KAZN: variants seen among roughly 807,000 people sequenced by gnomAD.
The protein encoded by KAZN is kazrin, periplakin interacting protein.
KAZN carries 40 observed loss-of-function variants against 87.4 expected under a neutral mutation model. The observed-to-expected ratio is 0.46, with a 90% CI of 0.36 to 0.60. The LOEUF (loss-of-function observed/expected upper bound fraction) is 0.60. Ranked by LOEUF, KAZN falls within the 20% of genes least tolerant of loss-of-function variation. The pLI is 0.00. For missense variants in KAZN, 898 were observed against 1,073.9 expected (o/e 0.84, Z 2.29); for synonymous variants, 466 against 458.3 (o/e 1.02, Z -0.22).
chr1:14,873,213 C>A (rs1279037721), intron 1 of KAZN, among the ~76,000 whole-genome samples: 1 of 152,094 alleles, frequency 6.6e-6, no homozygotes, highest in Non-Finnish European at 1.5e-5. Flanking sequence ...CCTTCTGTCA[C>A]CTGCTATGCA....
intron 1 of KAZN, among the ~76,000 whole-genome samples, chr1:13,909,062 C>A (rs954548058): frequency 1.3e-5 from 2 of 152,150 alleles, no homozygotes; most frequent in Non-Finnish European, 2.9e-5. Flanking sequence ...TCGGTAGGTG[C>A]TTTCTTATCC....
chr1:14,915,717 C>T (rs993465774), intron 1 of KAZN, among the ~76,000 whole-genome samples: 1 of 152,210 alleles, frequency 6.6e-6, no homozygotes, highest in Non-Finnish European at 1.5e-5. Context: ...GACAGACTCC[C>T]AACGCTGCCT....
At chr1:14,388,377 C>T (rs916391862) in intron 2 of KAZN, among the ~76,000 whole-genome samples, 14 of 152,272 alleles carry the variant, frequency 9.2e-5, no homozygotes, top group African/African-American at 3.1e-4. Context: ...TATGGAACCA[C>T]AAAAGACCCT....
intron 2 of KAZN, among the ~76,000 whole-genome samples, chr1:14,232,909 G>A (rs1203172532): frequency 2.0e-5 from 3 of 152,066 alleles, no homozygotes; most frequent in Middle Eastern, 3.2e-3. Context: ...ACATTTTTTA[G>A]GGTAAAGAAC....
Position 14,773,600 on chromosome 1 carries a change from T to A in KAZN, c.226+174377T>A, listed in dbSNP as rs1645082572. 1.3e-5 allele frequency among the ~76,000 whole-genome samples: 2 copies of A among 151,918 alleles called. No individual in the cohort carries two copies. On this transcript the variant is annotated intron_variant, in intron 1 of 14. Transcript: ENST00000376030. This position sits in a 1 kb window ranked among gnomAD's most constrained non-coding sequence, Gnocchi z 5.9. ...GTTGACTTTCCAGAGCCATAGGGAG[T>A]TGGAAATGAGGTCAGGCACCCGCCA...
At chr1:14,836,247 G>A (rs1033947956) in intron 1 of KAZN, among the ~76,000 whole-genome samples, 1 of 152,124 alleles carries the variant, frequency 6.6e-6, no homozygotes, top group South Asian at 2.1e-4. Context: ...AAGCCAGGAG[G>A]GACATAAGCC....
At chr1:13,933,461 T>C (rs1160501969) in intron 1 of KAZN, among the ~76,000 whole-genome samples, 1 of 152,146 alleles carries the variant, frequency 6.6e-6, no homozygotes, top group African/African-American at 2.4e-5. Context: ...CATTGCACTC[T>C]AGCCTAGGCA....
intron 2 of KAZN, among the ~76,000 whole-genome samples, chr1:14,407,854 G>A (rs1372543529): frequency 6.6e-6 from 1 of 152,166 alleles, no homozygotes; most frequent in Non-Finnish European, 1.5e-5. Context: ...TACTTTCAGA[G>A]CTCCTGGAAA....
intron 1 of KAZN, among the ~76,000 whole-genome samples, chr1:14,618,987 C>T (rs1007461184): frequency 2.0e-5 from 3 of 151,994 alleles, no homozygotes; most frequent in African/African-American, 7.2e-5. Context: ...GATACAGACA[C>T]GGCAGGACGA....
At chr1:14,075,990 G>A (rs1465142730) in intron 1 of KAZN, among the ~76,000 whole-genome samples, 3 of 152,128 alleles carry the variant, frequency 2.0e-5, no homozygotes, top group South Asian at 2.1e-4. Flanking sequence ...TTATACGAAA[G>A]GGAAATGTAG....
Position 14,762,989 on chromosome 1 carries a change from A to T in KAZN, c.226+163766A>T, listed in dbSNP as rs116477644. Among the ~76,000 whole-genome samples, 258 of 152,356 alleles carry T rather than the reference A, an allele frequency of 1.7e-3. 1 individual carries two copies. The highest frequency in any genetic ancestry group is 5.9e-3 in the African/African-American group (246 of 41,590). On this transcript the variant is annotated intron_variant, in intron 1 of 14. Coordinates refer to ENST00000376030, the MANE Select transcript of KAZN (RefSeq NM_201628.3). ...TCCGGTGACATTTCTGTAATGCTTC[A>T]TTCAAATAAAGACATTCATAACTTG...
chr1:14,155,851 T>C (rs1186776603), intron 1 of KAZN, among the ~76,000 whole-genome samples: 2 of 152,168 alleles, frequency 1.3e-5, no homozygotes, highest in Non-Finnish European at 2.9e-5. Context: ...GGTTTCACCA[T>C]GTTGGCCAAG....
intron 1 of KAZN, among the ~76,000 whole-genome samples, chr1:14,690,571 G>T (rs1210657482): frequency 1.7e-5 from 2 of 118,260 alleles, no homozygotes; most frequent in African/African-American, 6.4e-5. Flanking sequence ...CCCATTTCCA[G>T]TTCTATTAAG....
At chr1:14,415,471 G>C (rs531935332) in intron 2 of KAZN, among the ~76,000 whole-genome samples, 79 of 152,228 alleles carry the variant, frequency 5.2e-4, no homozygotes, top group Admixed American at 9.2e-4. Context: ...GGGTGCTCCA[G>C]CTGATTTCCA....
intron 1 of KAZN, among the ~76,000 whole-genome samples, chr1:14,945,442 C>T (rs1484520152): frequency 1.3e-5 from 2 of 152,172 alleles, no homozygotes; most frequent in Non-Finnish European, 2.9e-5. Context: ...ATCGGGACAC[C>T]AGGATGTGAT....
At chr1:13,981,089 T>TTATATATATATATATA (rs1205017791) in intron 1 of KAZN, among the ~76,000 whole-genome samples, 22 of 63,120 alleles carry the variant, frequency 3.5e-4, no homozygotes, top group African/African-American at 5.2e-4. Flanking sequence ...AAATTACTCT[T>TTATATATATATATATA]TATATATATA....
At chr1:14,535,546 AT>A (rs1672452947) in intron 2 of KAZN, among the ~76,000 whole-genome samples, 1 of 152,086 alleles carries the variant, frequency 6.6e-6, no homozygotes, top group Non-Finnish European at 1.5e-5. Context: ...CATGCCTGTA[AT>A]CCCAGCTCCT....
At chr1:14,358,169 T>C (rs7329669) in intron 2 of KAZN, among the ~76,000 whole-genome samples, 30 of 152,252 alleles carry the variant, frequency 2.0e-4, no homozygotes, top group Middle Eastern at 3.4e-3. Flanking sequence ...TGTCCAGGAA[T>C]TTACCCATTT....
At chr1:15,110,991 T>C (rs1357576151) in intron 13 of KAZN, among the ~76,000 whole-genome samples, 1 of 152,232 alleles carries the variant, frequency 6.6e-6, no homozygotes, top group African/African-American at 2.4e-5. Flanking sequence ...GCTTCTGCAA[T>C]TACAGCTGCT....
Sources: allele counts gnomAD v4.1 joint callset (sites outside exome capture counted in the v4.1 genomes callset), GRCh38; gene constraint gnomAD v4.1.1; non-coding constraint Gnocchi (gnomAD v3.1); transcripts MANE v1.5; gene names NCBI Gene and HGNC (gene_info 2026-07-23, HGNC 2026-07-21).